Variants in LDLRAD4 observed in about 807,000 individuals in gnomAD.
The protein encoded by LDLRAD4 is low density lipoprotein receptor class A domain containing 4.
LDLRAD4 carries 5 observed loss-of-function variants against 17.0 expected under a neutral mutation model. The observed-to-expected ratio is 0.29, with a 90% CI of 0.15 to 0.62. LDLRAD4 has a LOEUF of 0.62. Among genes scored for constraint, LDLRAD4 ranks in the 20% least tolerant of loss-of-function variants. The pLI is 0.84. For synonymous variants in LDLRAD4, 168 were observed against 171.8 expected (o/e 0.98, Z 0.17); for missense variants, 340 against 424.7 (o/e 0.80, Z 1.75).
intron 1 of LDLRAD4, among the ~76,000 whole-genome samples, chr18:13,232,957 C>T (rs1165870638): frequency 6.6e-6 from 1 of 152,216 alleles, no homozygotes; most frequent in Non-Finnish European, 1.5e-5. Flanking sequence ...GAGCCAGCGT[C>T]CTCATGACCA....
intron 2 of LDLRAD4, among the ~76,000 whole-genome samples, chr18:13,430,340 A>C (rs1055277824): frequency 1.3e-5 from 2 of 152,174 alleles, no homozygotes; most frequent in Admixed American, 1.3e-4. Context: ...GCAGAGCAAA[A>C]TCACGAGAAG....
chr18:13,280,411 A>G (rs1285114704), intron 1 of LDLRAD4, among the ~76,000 whole-genome samples: 1 of 152,214 alleles, frequency 6.6e-6, no homozygotes, highest in Non-Finnish European at 1.5e-5. Flanking sequence ...GTCGTCACTC[A>G]ACAACATGTT....
At position 13,426,805 on chromosome 18, in the gene LDLRAD4, C is replaced by T. The variant is rs139650599; in HGVS notation, c.41-11439C>T. Among the ~76,000 whole-genome samples the T allele has an allele frequency of 2.0e-3, 301 of 152,316 alleles. 2 individuals are homozygous for T. Among genetic ancestry groups the T allele is most frequent in the African/African-American group, 7.0e-3 (290 of 41,576 alleles). ...TAAAAGAGGTATGAAGATGCCATCA[C>T]AAAATTCTGGTGTGGGTTGGTTGAA... On this transcript the variant is annotated intron_variant, in intron 2 of 5. Transcript: ENST00000359446.
chr18:13,545,195 C>A (rs2094343819), intron 3 of LDLRAD4, among the ~76,000 whole-genome samples: 1 of 152,030 alleles, frequency 6.6e-6, no homozygotes, highest in African/African-American at 2.4e-5. Flanking sequence ...GGGAAGATGG[C>A]TCCAGGACTC....
intron 1 of LDLRAD4, among the ~76,000 whole-genome samples, chr18:13,247,955 C>A (rs1302161372): frequency 1.2e-4 from 16 of 130,214 alleles, no homozygotes; most frequent in Non-Finnish European, 2.2e-4. Flanking sequence ...AGCGCCGCCC[C>A]CCGCCTTTTT....
chr18:13,432,422 T>A (rs927713033), intron 2 of LDLRAD4, among the ~76,000 whole-genome samples: 10 of 152,204 alleles, frequency 6.6e-5, no homozygotes, highest in African/African-American at 2.2e-4. Flanking sequence ...AAAATTGGTG[T>A]CTAGGATAGC....
chr18:13,248,703 C>G (rs2043088144), intron 1 of LDLRAD4, among the ~76,000 whole-genome samples: 1 of 152,142 alleles, frequency 6.6e-6, no homozygotes, highest in Non-Finnish European at 1.5e-5. Context: ...GTGTCGTGAT[C>G]AGATCAGGGT....
upstream of LDLRAD4, among the ~76,000 whole-genome samples, chr18:13,277,341 C>T (rs534651808): frequency 1.3e-5 from 2 of 152,292 alleles, no homozygotes; most frequent in South Asian, 4.1e-4. Flanking sequence ...TGTCTGAGGC[C>T]GAGCTTTGCT....
At chr18:13,449,992 T>C (rs137979028) in intron 3 of LDLRAD4, among the ~76,000 whole-genome samples, 1 of 152,274 alleles carries the variant, frequency 6.6e-6, no homozygotes, top group African/African-American at 2.4e-5. Context: ...CACGTGACTT[T>C]TTGTGGAAGG....
chr18:13,479,962 C>G (rs1341398271), intron 3 of LDLRAD4, among the ~76,000 whole-genome samples: 2 of 152,204 alleles, frequency 1.3e-5, no homozygotes, highest in Non-Finnish European at 2.9e-5. Context: ...CACCGGAACT[C>G]TCATCTATGG....
At chr18:13,394,180 A>G (rs1250560521) in intron 2 of LDLRAD4, among the ~76,000 whole-genome samples, 2 of 152,166 alleles carry the variant, frequency 1.3e-5, no homozygotes, top group African/African-American at 4.8e-5. Flanking sequence ...TCAGTTATAA[A>G]CCTAACCTTA....
chr18:13,370,719 T>TTTGTTTGTTTGTTTG (rs1555663312), intron 1 of LDLRAD4, among the ~76,000 whole-genome samples: 6 of 144,856 alleles, frequency 4.1e-5, no homozygotes, highest in African/African-American at 1.6e-4. Context: ...TTTTGTTTTT[T>TTTGTTTGTTTGTTTG]TTTTTTTTTG....
chr18:13,571,407 C>T (rs1785148), intron 3 of LDLRAD4, among the ~76,000 whole-genome samples: 41,322 of 151,946 alleles, frequency 0.27, 6,918 homozygotes, highest in African/African-American at 0.46. Context: ...TCTGCCATCT[C>T]CGTCCACAGC....
intron 2 of LDLRAD4, among the ~76,000 whole-genome samples, chr18:13,424,884 G>A (rs545367580): frequency 2.0e-5 from 3 of 152,330 alleles, no homozygotes; most frequent in South Asian, 4.1e-4. Context: ...ACCACATGGC[G>A]AAGGGCACGT....
At chr18:13,366,900 C>G (rs983686036) in intron 1 of LDLRAD4, among the ~76,000 whole-genome samples, 6 of 152,202 alleles carry the variant, frequency 3.9e-5, no homozygotes, top group African/African-American at 1.4e-4. Context: ...TGCGTTGAAG[C>G]CTGTCTTCCC....
At chr18:13,447,479 G>A (rs1317121482) in intron 3 of LDLRAD4, among the ~76,000 whole-genome samples, 1 of 152,156 alleles carries the variant, frequency 6.6e-6, no homozygotes, top group African/African-American at 2.4e-5. Context: ...CAAATGGGAG[G>A]GTAAGTTTTA....
chr18:13,484,014 A>G (rs555351889), intron 3 of LDLRAD4: 9 of 152,214 alleles, frequency 5.9e-5, no homozygotes, highest in South Asian at 2.1e-4. Context: ...TGAGATGTCT[A>G]TGTTCTCTTT....
At chr18:13,399,901 G>A (rs551191388) in intron 2 of LDLRAD4, among the ~76,000 whole-genome samples, 2 of 152,220 alleles carry the variant, frequency 1.3e-5, no homozygotes, top group Non-Finnish European at 2.9e-5. Flanking sequence ...CCCACAGGAA[G>A]ACCCTTTATT....
chr18:13,400,803 G>A (rs1311046372), intron 2 of LDLRAD4, among the ~76,000 whole-genome samples: 2 of 152,132 alleles, frequency 1.3e-5, no homozygotes, highest in Non-Finnish European at 2.9e-5. Flanking sequence ...GAGGTGAGCC[G>A]CGGAGGCCCA....
Sources: gnomAD v4.1 joint callset for allele counts (sites outside exome capture counted in the v4.1 genomes callset) on GRCh38, gnomAD v4.1.1 for gene constraint, MANE v1.5 for transcripts, NCBI Gene and HGNC (gene_info 2026-07-23, HGNC 2026-07-21) for gene names.